Variants in VPS13B observed in about 807,000 individuals in gnomAD.
VPS13B encodes the protein intermembrane lipid transfer protein VPS13B.
A neutral mutation model predicts 426.4 loss-of-function variants in VPS13B; 285 were observed. The ratio of observed to expected loss-of-function variants is 0.67; its 90% CI spans 0.61 to 0.74. The LOEUF (loss-of-function observed/expected upper bound fraction) is 0.74, where lower values mean the gene tolerates loss of function less well. Among genes scored for constraint, VPS13B ranks in the 30% least tolerant of loss-of-function variants. The pLI is 0.00. For missense variants in VPS13B, 4,537 were observed against 4,782.6 expected, an observed-to-expected ratio of 0.95 and a Z score of 1.51; for synonymous variants, 1,676 against 1,676.4, an observed-to-expected ratio of 1.00 and a Z score of 0.01.
At chr8:99,862,287 G>A (rs116206140) in intron 58 of VPS13B, among the ~76,000 whole-genome samples, 2,507 of 152,310 alleles carry the variant, frequency 0.016, 69 homozygotes, top group African/African-American at 0.057. Flanking sequence ...GATGGGCAAC[G>A]CTTCCGAAGC....
At chr8:99,742,529 G>C (rs1377469003) in intron 39 of VPS13B, among the ~76,000 whole-genome samples, 3 of 152,080 alleles carry the variant, frequency 2.0e-5, no homozygotes, top group African/African-American at 7.2e-5. Context: ...CCAAAAGAGA[G>C]AATTTTAGAC....
chr8:99,592,046 T>C (rs373303869), intron 33 of VPS13B, among the ~76,000 whole-genome samples: 1 of 151,942 alleles, frequency 6.6e-6, no homozygotes, highest in Non-Finnish European at 1.5e-5. Context: ...CTTTTTTCTT[T>C]TCTTTTCTCT....
intron 39 of VPS13B, among the ~76,000 whole-genome samples, chr8:99,722,144 C>A (rs1193494379): frequency 6.6e-6 from 1 of 152,178 alleles, no homozygotes; most frequent in Non-Finnish European, 1.5e-5. Flanking sequence ...ACTCTGGCCT[C>A]CTTTTTCTCC....
At chr8:99,137,250 CTTTTTT>C (rs79136090) in intron 12 of VPS13B, among the ~76,000 whole-genome samples, 1 of 148,450 alleles carries the variant, frequency 6.7e-6, no homozygotes, top group Non-Finnish European at 1.5e-5. Flanking sequence ...CATTTCAACA[CTTTTTT>C]TTTTACTTCT....
intron 8 of VPS13B, among the ~76,000 whole-genome samples, chr8:99,125,722 A>C (rs1291542943): frequency 6.6e-6 from 1 of 152,200 alleles, no homozygotes; most frequent in Non-Finnish European, 1.5e-5. Context: ...ATTATGTAAT[A>C]TTTTGTACTA....
intron 25 of VPS13B, among the ~76,000 whole-genome samples, chr8:99,493,415 G>C (rs960041795): frequency 3.3e-5 from 5 of 152,044 alleles, no homozygotes; most frequent in Non-Finnish European, 2.9e-5. Context: ...TAATTGAAAA[G>C]GTACTTGGCT....
chr8:99,329,470 T>C (rs1189941033), intron 19 of VPS13B, among the ~76,000 whole-genome samples: 1 of 152,132 alleles, frequency 6.6e-6, no homozygotes, highest in African/African-American at 2.4e-5. Flanking sequence ...TAATTTTATG[T>C]CTACATTTTT....
At chr8:99,644,753 A>G (rs1829512263) in intron 34 of VPS13B, among the ~76,000 whole-genome samples, 1 of 152,222 alleles carries the variant, frequency 6.6e-6, no homozygotes, top group South Asian at 2.1e-4. Context: ...AATATTTCTT[A>G]AAAATGAACT....
chr8:99,339,418 C>T (rs1183190868), intron 19 of VPS13B, among the ~76,000 whole-genome samples: 1 of 151,962 alleles, frequency 6.6e-6, no homozygotes, highest in African/African-American at 2.4e-5. Context: ...GAGTGCTACA[C>T]ACTTTTAAAT....
At chr8:99,292,393 CATACAT>C (rs1465274327) in intron 19 of VPS13B, among the ~76,000 whole-genome samples, 1 of 152,110 alleles carries the variant, frequency 6.6e-6, no homozygotes, top group African/African-American at 2.4e-5. Context: ...AAGATGCCTG[CATACAT>C]CCAAATGTTG....
chr8:99,739,282 G>A (rs972353504), intron 39 of VPS13B, among the ~76,000 whole-genome samples: 12 of 152,298 alleles, frequency 7.9e-5, no homozygotes, highest in Admixed American at 3.3e-4. Context: ...GGGGAGGGGC[G>A]CCCGCCATTG....
rs1391897395 is a variant in VPS13B, at chr8:99,143,133, A to G, written c.1811A>G (p.His604Arg). The G allele has an allele frequency of 6.2e-7, 1 of 1,614,032 alleles. No homozygotes were observed. The change falls in exon 13 of 62, where the codon CAT (histidine) becomes CGT (arginine). Residue 604 changes from histidine to arginine, a missense_variant. Around this residue, in one of 2 missense-constraint regions of VPS13B, gnomAD observed 4,311 missense variants for 4,474.3 expected, o/e 0.96. Coordinates refer to ENST00000357162, the MANE Select transcript of VPS13B (RefSeq NM_152564.5). ...AAAATGATTGTGTGTGCCTTGGAAC[A>G]TGAATATGAACCATATAGCAGGCTA... ...ILKMIVCALE[H>R]EYEPYSRLKS...
At chr8:99,821,874 G>C (rs1814390018) in intron 50 of VPS13B, among the ~76,000 whole-genome samples, 1 of 152,112 alleles carries the variant, frequency 6.6e-6, no homozygotes, top group African/African-American at 2.4e-5. Flanking sequence ...CTGCAGCAAA[G>C]TTTATATTTC....
At position 99,588,481 on chromosome 8, in the gene VPS13B, C is replaced by T. The variant is rs183607506; in HGVS notation, c.5220+10848C>T. Among the ~76,000 whole-genome samples, 637 of 151,690 alleles carry T rather than the reference C, an allele frequency of 4.2e-3. 2 individuals carry two copies. The highest frequency in any genetic ancestry group is 6.5e-3 in the Non-Finnish European group (445 of 67,994). On this transcript the variant is annotated intron_variant, in intron 33 of 61. Transcript: ENST00000357162. ...ATGTTCTTCCATTTGTTTGTGTCCT[C>T]TTTTATTTTGCTTAGCAGTGGTTTG... is the stretch of plus-strand genomic sequence containing the variant.
At chr8:99,484,284 G>C (rs1820187985) in intron 25 of VPS13B, among the ~76,000 whole-genome samples, 1 of 151,986 alleles carries the variant, frequency 6.6e-6, no homozygotes. Context: ...TTCTGATTGG[G>C]TTATAAAGAC....
At chr8:99,088,274 T>C in intron 3 of VPS13B, among the ~76,000 whole-genome samples, 1 of 152,010 alleles carries the variant, frequency 6.6e-6, no homozygotes, top group East Asian at 1.9e-4. Context: ...CTGGGTAGTG[T>C]AGAGCTTAGA....
intron 33 of VPS13B, among the ~76,000 whole-genome samples, chr8:99,611,428 A>G (rs967428136): frequency 2.6e-5 from 4 of 152,136 alleles, no homozygotes; most frequent in Non-Finnish European, 5.9e-5. Flanking sequence ...GAAAATAGCA[A>G]TAGATAATAC....
At chr8:99,301,981 C>G (rs1820391357) in intron 19 of VPS13B, among the ~76,000 whole-genome samples, 2 of 152,122 alleles carry the variant, frequency 1.3e-5, no homozygotes, top group African/African-American at 4.8e-5. Context: ...CTTACTTTAA[C>G]TAATTTTTTT....
At chr8:99,196,783 TTTAAC>T (rs1278347900) in intron 17 of VPS13B, among the ~76,000 whole-genome samples, 1 of 152,122 alleles carries the variant, frequency 6.6e-6, no homozygotes, top group African/African-American at 2.4e-5. Context: ...GTAGAGGCAA[TTTAAC>T]TTCTTTTTTT....
Sources: gnomAD v4.1 joint callset for allele counts (sites outside exome capture counted in the v4.1 genomes callset) on GRCh38, gnomAD v4.1.1 for gene constraint, gnomAD v4.1.1 regional missense constraint, MANE v1.5 for transcripts, NCBI Gene and HGNC (gene_info 2026-07-23, HGNC 2026-07-21) for gene names.